Variants in ADRA1A observed in about 807,000 individuals in gnomAD.
The protein encoded by ADRA1A is alpha-1A adrenergic receptor.
In ADRA1A, 31 loss-of-function variants were observed where a neutral mutation model predicts 29.6. The observed-to-expected ratio is 1.05, with a 90% CI of 0.79 to 1.41. ADRA1A has a LOEUF of 1.41. Among genes scored for constraint, ADRA1A ranks in the 40% most tolerant of loss-of-function variants. The pLI is 0.00. For synonymous variants in ADRA1A, 311 were observed against 254.3 expected (o/e 1.22, Z -2.12); for missense variants, 619 against 601.1 (o/e 1.03, Z -0.31).
chr8:26,838,983 G>C (rs1811595003), intron 2 of ADRA1A, among the ~76,000 whole-genome samples: 1 of 152,084 alleles, frequency 6.6e-6, no homozygotes, highest in African/African-American at 2.4e-5. Flanking sequence ...ATTAAACCCA[G>C]TATAATGAAA....
intron 2 of ADRA1A, among the ~76,000 whole-genome samples, chr8:26,846,062 A>T (rs562099137): frequency 6.6e-6 from 1 of 152,344 alleles, no homozygotes. Context: ...GATGGTTAAA[A>T]TTGTGAATTT....
chr8:26,763,328 T>C (rs1282450759), downstream of ADRA1A, among the ~76,000 whole-genome samples: 1 of 152,162 alleles, frequency 6.6e-6, no homozygotes, highest in African/African-American at 2.4e-5. The surrounding 1 kb of genome is among the most constrained non-coding windows in gnomAD (Gnocchi z 4.5). Context: ...GGGAGAAATT[T>C]CAGGTTGGCC....
chr8:26,766,950 G>A (rs1459429104), downstream of ADRA1A, among the ~76,000 whole-genome samples: 1 of 152,084 alleles, frequency 6.6e-6, no homozygotes, highest in Non-Finnish European at 1.5e-5. Flanking sequence ...TGTTAGATAT[G>A]CTATGTGACG....
downstream of ADRA1A, among the ~76,000 whole-genome samples, chr8:26,762,709 G>T (rs1313445285): frequency 6.6e-6 from 1 of 152,176 alleles, no homozygotes; most frequent in Non-Finnish European, 1.5e-5. The surrounding 1 kb of genome is among the most constrained non-coding windows in gnomAD (Gnocchi z 4.0). Flanking sequence ...AAAGGTCACA[G>T]ATTACTTAAT....
rs944312414 is a variant in ADRA1A, at chr8:26,860,228, C to A, written c.883+3859G>T. Among the ~76,000 whole-genome samples, 1 of 152,162 alleles carries A rather than the reference C, an allele frequency of 6.6e-6. No homozygotes were observed. The highest frequency in any genetic ancestry group is 1.5e-5 in the Non-Finnish European group (1 of 68,022). ...GAGCATCCACCTCCCCTAGATGACT[C>A]CAGGACCCAGGCCATTGTTTCTCAT... On this transcript the variant is annotated intron_variant, in intron 2 of 2. Coordinates refer to ENST00000380573, the MANE Select transcript of ADRA1A (RefSeq NM_000680.4). This position sits in a 1 kb window ranked among gnomAD's most constrained non-coding sequence, Gnocchi z 4.7.
At chr8:26,846,103 C>A (rs1812177156) in intron 2 of ADRA1A, among the ~76,000 whole-genome samples, 1 of 152,156 alleles carries the variant, frequency 6.6e-6, no homozygotes, top group Non-Finnish European at 1.5e-5. Flanking sequence ...ACAATTAAAA[C>A]AAAGTGAGTA....
intron 2 of ADRA1A, among the ~76,000 whole-genome samples, chr8:26,785,188 A>G (rs1807282962): frequency 6.6e-6 from 1 of 152,180 alleles, no homozygotes; most frequent in Non-Finnish European, 1.5e-5. Context: ...AGGGGCATAT[A>G]TATATAAGAA....
downstream of ADRA1A, among the ~76,000 whole-genome samples, chr8:26,753,371 C>A (rs552118488): frequency 6.6e-6 from 1 of 152,086 alleles, no homozygotes; most frequent in African/African-American, 2.4e-5. Flanking sequence ...GGTCCTTGCC[C>A]GTATCTTGAA....
intron 2 of ADRA1A, chr8:26,779,542 G>C: frequency 3.4e-6 from 2 of 594,700 alleles, no homozygotes; most frequent in Admixed American, 5.8e-5. Context: ...CCCATGACAA[G>C]CAGGATGATG....
Position 26,770,670 on chromosome 8 carries a change from G to C in ADRA1A, c.884-4C>G, listed in dbSNP as rs147710738. 4.0e-5 allele frequency: 65 copies of C among 1,605,280 alleles called. No homozygotes were observed. In the African/African-American group the frequency reaches 8.6e-4, roughly 21 times the overall value. On this transcript the variant is annotated splice_region_variant and splice_polypyrimidine_tract_variant and intron_variant, in intron 2 of 2. Coordinates refer to ENST00000380573, the MANE Select transcript of ADRA1A (RefSeq NM_000680.4). ...TTGAAATCAGGGAAGAAAGACCCTG[G>C]AAGAAAACACACAGATTTATACATA... is the stretch of plus-strand genomic sequence containing the variant.
In ADRA1A at chr8:26,864,736, C is replaced by G. The variant is rs750799570; in HGVS notation, c.234G>C (p.Thr78=). 2.5e-6 allele frequency: 4 copies of G among 1,614,140 alleles called. No individual in the cohort carries two copies. The South Asian group carries it at 3.3e-5, about 13-fold the overall frequency. The change falls in exon 2 of 3, where the codon ACG becomes ACC. Residue 78 remains threonine (T), a synonymous_variant. Coordinates refer to ENST00000380573, the MANE Select transcript of ADRA1A (RefSeq NM_000680.4). The surrounding 1 kb of genome is among the most constrained non-coding windows in gnomAD (Gnocchi z 8.1). ...CGAAGATGGCGGAGAAGGGCAGCAC[C>G]GTGGAGGTGAGCAGGAGGTCGGCCA... ...LAVADLLLTS[T]VLPFSAIFEV...
exon 3 of ADRA1A, chr8:26,748,169 G>C (rs1446656140): frequency 6.6e-6 from 1 of 152,208 alleles, no homozygotes; most frequent in Non-Finnish European, 1.5e-5. Context: ...CTATGGGCTG[G>C]GTGTCTATGG....
intron 2 of ADRA1A, among the ~76,000 whole-genome samples, chr8:26,802,765 C>G (rs1808680680): frequency 6.6e-6 from 1 of 152,154 alleles, no homozygotes; most frequent in Non-Finnish European, 1.5e-5. Context: ...GAGGAGACAT[C>G]TGCATTCCCA....
At chr8:26,756,462 G>T in exon 3 of ADRA1A, 1 of 1,465,132 alleles carries the variant, frequency 6.8e-7, no homozygotes, top group Non-Finnish European at 9.0e-7. Context: ...GAGGGAGGTT[G>T]TATGAAACTG....
chr8:26,844,254 G>A (rs1377140369), intron 2 of ADRA1A, among the ~76,000 whole-genome samples: 1 of 152,120 alleles, frequency 6.6e-6, no homozygotes, highest in Non-Finnish European at 1.5e-5. Context: ...TGAGTTCACT[G>A]CCAAATGAGT....
intron 2 of ADRA1A, among the ~76,000 whole-genome samples, chr8:26,794,434 G>A (rs1050506337): frequency 1.2e-4 from 18 of 152,022 alleles, no homozygotes; most frequent in African/African-American, 4.3e-4. Flanking sequence ...GGGATACAGG[G>A]CCAGATAGTA....
At chr8:26,756,632 A>C in exon 3 of ADRA1A, 3 of 1,582,490 alleles carry the variant, frequency 1.9e-6, no homozygotes, top group Non-Finnish European at 2.6e-6. Flanking sequence ...AGTAAATCCA[A>C]GTGTCAGGCA....
downstream of ADRA1A, among the ~76,000 whole-genome samples, chr8:26,767,664 T>TGTATTTCTAAGCTTTCCC (rs1805865268): frequency 6.6e-6 from 1 of 152,240 alleles, no homozygotes; most frequent in Admixed American, 6.5e-5. Flanking sequence ...CCAGATTTCC[T>TGTATTTCTAAGCTTTCCC]GTATTTCTAA....
chr8:26,823,933 T>C lies in ADRA1A; in HGVS notation c.883+40154A>G, dbSNP rs11781115. Among the ~76,000 whole-genome samples, 1 of 151,940 alleles carries C rather than the reference T, an allele frequency of 6.6e-6. No individual in the cohort carries two copies. The highest frequency in any genetic ancestry group is 1.5e-5 in the Non-Finnish European group (1 of 67,960). ...TTTGGGTCTTTGTTCCACGCTATGTTACTCTGGGCTCATTTAGAAGAAAGT... is the reference window on the plus strand; with the variant it reads ...TTTGGGTCTTTGTTCCACGCTATGTCACTCTGGGCTCATTTAGAAGAAAGT... On this transcript the variant is annotated intron_variant, in intron 2 of 2. Transcript: ENST00000380573. The surrounding 1 kb of genome is among the most constrained non-coding windows in gnomAD (Gnocchi z 4.2).
Sources: gnomAD v4.1 joint callset for allele counts (sites outside exome capture counted in the v4.1 genomes callset) on GRCh38, gnomAD v4.1.1 for gene constraint, Gnocchi (gnomAD v3.1) non-coding constraint, MANE v1.5 for transcripts, NCBI Gene and HGNC (gene_info 2026-07-23, HGNC 2026-07-21) for gene names.